FER1L6: variants seen among roughly 807,000 people sequenced by gnomAD.
FER1L6 encodes fer-1-like protein 6.
Under a neutral mutation model 219.2 loss-of-function variants are expected in FER1L6, and 177 were observed. That is an observed-to-expected ratio of 0.81 (90% confidence interval 0.71 to 0.91). FER1L6 has a LOEUF of 0.91. Ranked by LOEUF, FER1L6 falls within the 40% of genes least tolerant of loss-of-function variation. The pLI, the probability that FER1L6 is intolerant of heterozygous loss-of-function variation, is 0.00. For missense variants in FER1L6, 2,153 were observed against 2,259.9 expected, an observed-to-expected ratio of 0.95 and a Z score of 0.96; for synonymous variants, 768 against 824.3, an observed-to-expected ratio of 0.93 and a Z score of 1.17.
intron 39 of FER1L6, 99 bp from the exon 40 acceptor site, chr8:124,118,745 C>A: frequency 9.7e-7 from 1 of 1,032,388 alleles, no homozygotes; most frequent in Non-Finnish European, 1.4e-6. Flanking sequence ...AATCAAAATA[C>A]TTTCTGGAAT....
At chr8:124,119,549 A>G in intron 40 of FER1L6, 58 bp from the exon 41 acceptor site, 1 of 1,153,104 alleles carries the variant, frequency 8.7e-7, no homozygotes, top group Non-Finnish European at 1.3e-6. Flanking sequence ...TGGGGTCTTA[A>G]GCATTCTGAG....
intron 2 of FER1L6, among the ~76,000 whole-genome samples, chr8:123,962,870 C>T (rs866787538): frequency 1.3e-5 from 2 of 152,222 alleles, no homozygotes; most frequent in Middle Eastern, 3.4e-3. Context: ...TCAGGTGATC[C>T]ACTTGCCTCA....
intron 1 of FER1L6, among the ~76,000 whole-genome samples, chr8:123,892,008 A>T (rs1812656365): frequency 1.3e-5 from 2 of 152,216 alleles, no homozygotes; most frequent in African/African-American, 4.8e-5. Flanking sequence ...ATCTGGGCCC[A>T]TGTGCCGAAA....
intron 1 of FER1L6, among the ~76,000 whole-genome samples, chr8:123,878,841 T>A (rs1341509478): frequency 6.6e-6 from 1 of 152,164 alleles, no homozygotes; most frequent in Non-Finnish European, 1.5e-5. Flanking sequence ...ATTTTTGTTA[T>A]AAAAAATGTT....
At chr8:123,885,192 C>T (rs1239069517) in intron 1 of FER1L6, among the ~76,000 whole-genome samples, 2 of 152,184 alleles carry the variant, frequency 1.3e-5, no homozygotes, top group Non-Finnish European at 2.9e-5. Context: ...CTTCCAGCAT[C>T]CGGAACTGTG....
In FER1L6 at chr8:124,010,734, G is replaced by T; in HGVS notation, c.1821+20G>T. The stretch of plus-strand genomic sequence containing the variant: ...TTCCTGGTAGGTGACTCTGACAGGT[G>T]ATGGATTAGAGAATTGGGAAGCTGG... On this transcript the variant is annotated intron_variant, in intron 14 of 40. Coordinates refer to ENST00000522917, the MANE Select transcript of FER1L6 (RefSeq NM_001039112.2). 6.2e-7 allele frequency: 1 copy of T among 1,611,586 alleles called. No homozygotes were observed. The highest frequency in any genetic ancestry group is 8.5e-7 in the Non-Finnish European group (1 of 1,179,414).
chr8:123,916,826 G>A lies in FER1L6; in HGVS notation c.-7-39166G>A, dbSNP rs558709932. Among the ~76,000 whole-genome samples, 63 of 152,250 alleles carry A rather than the reference G, an allele frequency of 4.1e-4. No homozygotes were observed. In the South Asian group the frequency reaches 0.011, roughly 26 times the overall value. Reference sequence around the variant, plus strand: ...CCCACTTGTATCCAGCAATTAATGCGTCAATGTCTGGTTTAGCAGGAGGTC... The same window carrying A: ...CCCACTTGTATCCAGCAATTAATGCATCAATGTCTGGTTTAGCAGGAGGTC... On this transcript the variant is annotated intron_variant, in intron 1 of 40. Transcript: ENST00000522917.
chr8:123,964,028 A>G (rs1270064214), intron 3 of FER1L6, among the ~76,000 whole-genome samples: 1 of 152,214 alleles, frequency 6.6e-6, no homozygotes, highest in Non-Finnish European at 1.5e-5. Flanking sequence ...GTACTGCTTC[A>G]GCTGAGACCG....
In FER1L6 at chr8:124,010,677, A is replaced by C. The variant is rs764105326; in HGVS notation, c.1784A>C (p.His595Pro). The C allele has an allele frequency of 6.2e-7, 1 of 1,613,994 alleles. No homozygotes were observed. Among genetic ancestry groups the C allele is most frequent in the East Asian group, 2.2e-5 (1 of 44,880 alleles). ...SSWGDQTFRLHWSNMLEKMAD... is the reference protein window; with the variant it reads ...SSWGDQTFRLPWSNMLEKMAD... ...TGGGGAGACCAGACCTTCAGGCTGC[A>C]CTGGTCCAACATGCTGGAGAAAATG... is the stretch of plus-strand genomic sequence containing the variant. Residue 595 changes from histidine to proline, a missense_variant, in exon 14 of 41, where the codon CAC (histidine) becomes CCC (proline). By Grantham distance (77) the His-to-Pro change is moderately conservative (BLOSUM62 -2). Coordinates refer to ENST00000522917, the MANE Select transcript of FER1L6 (RefSeq NM_001039112.2).
intron 14 of FER1L6, among the ~76,000 whole-genome samples, chr8:124,011,059 A>G (rs1317189013): frequency 6.6e-6 from 1 of 152,120 alleles, no homozygotes; most frequent in East Asian, 1.9e-4. Flanking sequence ...AAAAAATCCT[A>G]AGTCCCTGGC....
chr8:124,059,892 A>T (rs1187043793), intron 22 of FER1L6, among the ~76,000 whole-genome samples: 1 of 152,192 alleles, frequency 6.6e-6, no homozygotes, highest in African/African-American at 2.4e-5. Flanking sequence ...TGTAAAGACC[A>T]TCTTCCGTAT....
intron 12 of FER1L6, among the ~76,000 whole-genome samples, chr8:123,988,164 C>G (rs1343586561): frequency 6.6e-6 from 1 of 151,782 alleles, no homozygotes; most frequent in Admixed American, 6.6e-5. Flanking sequence ...TCTGGGTTCT[C>G]TATTCTGTTC....
chr8:123,989,253 T>C (rs1481616251), intron 12 of FER1L6, among the ~76,000 whole-genome samples: 1 of 152,180 alleles, frequency 6.6e-6, no homozygotes, highest in African/African-American at 2.4e-5. Flanking sequence ...TTTGCATCAG[T>C]GTTGATCAGG....
In FER1L6 at chr8:123,890,625, ATTTTTT is replaced by A. The variant is rs59914385; in HGVS notation, c.-8+38459_-8+38464del. Among the ~76,000 whole-genome samples the A allele has an allele frequency of 4.9e-3, 445 of 91,432 alleles. 3 individuals are homozygous for A. Among genetic ancestry groups the A allele is most frequent in the African/African-American group, 0.018 (429 of 23,914 alleles). The allele number at this position is 91,432 out of a possible 152,430, so 60.0% of individuals were successfully genotyped here. A position where few individuals can be genotyped will look rare whatever the true frequency, so the allele number is the denominator to read the frequency against. The stretch of plus-strand genomic sequence containing the variant: ...GAGCACACTAGCCATTAAAAATTTG[ATTTTTT>A]TTTTTTTTTTTTTTTTTTACCTCTG... On this transcript the variant is annotated intron_variant, in intron 1 of 40. Coordinates refer to ENST00000522917, the MANE Select transcript of FER1L6 (RefSeq NM_001039112.2).
intron 27 of FER1L6, 123 bp from the exon 28 acceptor site, chr8:124,067,644 C>T (rs1396603664): frequency 6.9e-6 from 6 of 873,976 alleles, no homozygotes; most frequent in Non-Finnish European, 9.0e-6. Context: ...GGACTGCTTA[C>T]AGACTGTTTG....
At chr8:123,939,047 G>A (rs970294973) in intron 1 of FER1L6, 1 of 527,898 alleles carries the variant, frequency 1.9e-6, no homozygotes, top group African/African-American at 2.1e-5. Context: ...TCTGAGCATA[G>A]CAAGGGAAGA....
intron 3 of FER1L6, 50 bp downstream of exon 3, chr8:123,963,448 T>C (rs761791092): frequency 3.7e-6 from 6 of 1,602,714 alleles, no homozygotes; most frequent in East Asian, 2.2e-5. Flanking sequence ...GCATCTCTTA[T>C]GTGCCAAGCA....
intron 8 of FER1L6, 68 bp from the exon 9 acceptor site, chr8:123,975,830 G>T (rs1816042908): frequency 3.1e-6 from 4 of 1,275,302 alleles, no homozygotes; most frequent in South Asian, 1.6e-5. Context: ...CCTCCAAATT[G>T]CTCCTGTCTT....
At chr8:124,034,804 C>T (rs2130703943) in intron 18 of FER1L6, among the ~76,000 whole-genome samples, 1 of 152,274 alleles carries the variant, frequency 6.6e-6, no homozygotes, top group South Asian at 2.1e-4. Flanking sequence ...TTGGAAGTTC[C>T]AGGAAGAAGA....
Sources: allele counts gnomAD v4.1 joint callset (sites outside exome capture counted in the v4.1 genomes callset), GRCh38; gene constraint gnomAD v4.1.1; transcripts MANE v1.5; gene names NCBI Gene and HGNC (gene_info 2026-07-23, HGNC 2026-07-21).